Variants in ADARB2 observed in about 807,000 individuals in gnomAD.
ADARB2 encodes the protein inactive double-stranded RNA-specific editase B2.
Under a neutral mutation model 62.2 loss-of-function variants are expected in ADARB2, and 25 were observed. The ratio of observed to expected loss-of-function variants is 0.40; its 90% confidence interval spans 0.29 to 0.56. ADARB2 has a LOEUF of 0.56. Ranked by LOEUF, ADARB2 falls within the 20% of genes least tolerant of loss-of-function variation. The pLI, the probability that ADARB2 is intolerant of heterozygous loss-of-function variation, is 0.43. For missense variants in ADARB2, 1,071 were observed against 1,077.4 expected (o/e 0.99, Z 0.08); for synonymous variants, 572 against 500.8 (o/e 1.14, Z -1.90).
chr10:1,523,094 CA>C (rs1458141748), intron 1 of ADARB2, among the ~76,000 whole-genome samples: 1 of 152,166 alleles, frequency 6.6e-6, no homozygotes, highest in East Asian at 1.9e-4. Flanking sequence ...GTTTCTATAG[CA>C]AATCGATAAC....
chr10:1,551,984 G>A (rs567488995), intron 1 of ADARB2, among the ~76,000 whole-genome samples: 3 of 152,310 alleles, frequency 2.0e-5, no homozygotes, highest in South Asian at 4.1e-4. Context: ...GGAGTGAGGT[G>A]AGTGAGGCTG....
intron 1 of ADARB2, among the ~76,000 whole-genome samples, chr10:1,555,055 T>A (rs1319826855): frequency 6.6e-6 from 1 of 152,226 alleles, no homozygotes; most frequent in African/African-American, 2.4e-5. Context: ...AGGACACGAT[T>A]TCATTCTTTT....
At chr10:1,624,408 C>T (rs1215378942) in intron 1 of ADARB2, among the ~76,000 whole-genome samples, 2 of 152,186 alleles carry the variant, frequency 1.3e-5, no homozygotes, top group Non-Finnish European at 2.9e-5. Context: ...TGGTCTCCTA[C>T]CCGTGGCTCC....
Position 1,680,178 on chromosome 10 carries a change from T to A in ADARB2, c.100+56873A>T, listed in dbSNP as rs1042449800. ...CCACTCATACAAACTGCCCTACATATTCTTTCCTGTGTAATCCGCCACTCA... is the reference window on the plus strand; with the variant it reads ...CCACTCATACAAACTGCCCTACATAATCTTTCCTGTGTAATCCGCCACTCA... On this transcript the variant is annotated intron_variant, in intron 1 of 9. Coordinates refer to ENST00000381312, the MANE Select transcript of ADARB2 (RefSeq NM_018702.4). Among the ~76,000 whole-genome samples, 118 of 136,064 alleles carry A rather than the reference T, an allele frequency of 8.7e-4. 1 individual carries two copies. The highest frequency in any genetic ancestry group is 3.2e-3 in the African/African-American group (117 of 36,086). The allele number at this position is 136,064 out of a possible 152,430, so 89.3% of individuals were successfully genotyped here.
At chr10:1,275,944 G>A (rs1359732706) in intron 3 of ADARB2, among the ~76,000 whole-genome samples, 1 of 151,988 alleles carries the variant, frequency 6.6e-6, no homozygotes, top group African/African-American at 2.4e-5. Context: ...CTTCGCTATT[G>A]TGAATAGTGC....
chr10:1,542,966 G>A lies in ADARB2; in HGVS notation c.101-163806C>T, dbSNP rs145277955. On this transcript the variant is annotated intron_variant, in intron 1 of 9. Coordinates refer to ENST00000381312, the MANE Select transcript of ADARB2 (RefSeq NM_018702.4). ...CCCACTCAGACGCAGTTGGGACCCT[G>A]GATCACAGCTGTCCGTCCGCCCGAG... Among the ~76,000 whole-genome samples the A allele has an allele frequency of 1.9e-3, 289 of 152,360 alleles. 1 individual carries two copies. Among genetic ancestry groups the A allele is most frequent in the African/African-American group, 6.7e-3 (277 of 41,574 alleles).
rs141353212 is a variant in ADARB2 at position 1,586,130 on chromosome 10, C to T, written c.100+150921G>A. 3.3e-4 allele frequency among the ~76,000 whole-genome samples: 51 copies of T among 152,314 alleles called. 1 individual carries two copies. In the East Asian group the frequency reaches 9.7e-3, roughly 29 times the overall value. On this transcript the variant is annotated intron_variant, in intron 1 of 9. Coordinates refer to ENST00000381312, the MANE Select transcript of ADARB2 (RefSeq NM_018702.4). ...TCATCAGGACCTACTGAGGCTGTGT[C>T]ATGGGTGCATCCTTAACCTTGGCAA...
chr10:1,199,085 C>T (rs902683229), intron 8 of ADARB2, among the ~76,000 whole-genome samples: 18 of 152,236 alleles, frequency 1.2e-4, no homozygotes, highest in African/African-American at 4.3e-4. Flanking sequence ...CTCCGTTTCC[C>T]CCACATATCT....
rs1043374717 is a variant in ADARB2 at position 1,593,226 on chromosome 10, G to T, written c.100+143825C>A. Among the ~76,000 whole-genome samples, 7 of 134,556 alleles carry T rather than the reference G, an allele frequency of 5.2e-5. 1 individual carries two copies. The highest frequency in any genetic ancestry group is 2.0e-4 in the African/African-American group (7 of 34,278). 88.3% of individuals were successfully genotyped at this position (134,556 alleles called of 152,430 possible). A position where few individuals can be genotyped will look rare whatever the true frequency, so the allele number is the denominator to read the frequency against. ...CCTTCGCCCAAGCCACCCTCCATAG[G>T]TCTCCTCTCTGGCATGGTCCCCTCT... is the stretch of plus-strand genomic sequence containing the variant. On this transcript the variant is annotated intron_variant, in intron 1 of 9. Transcript: ENST00000381312.
chr10:1,718,250 C>A (rs538811861), intron 1 of ADARB2, among the ~76,000 whole-genome samples: 3 of 152,144 alleles, frequency 2.0e-5, no homozygotes. Flanking sequence ...TTTGGTCGTA[C>A]TTTTTTGATT....
intron 1 of ADARB2, among the ~76,000 whole-genome samples, chr10:1,525,634 T>C (rs1427806009): frequency 6.6e-6 from 1 of 152,166 alleles, no homozygotes; most frequent in Non-Finnish European, 1.5e-5. Context: ...ATGTGCGTCC[T>C]GAGAGGAAGA....
intron 3 of ADARB2, among the ~76,000 whole-genome samples, chr10:1,271,653 T>G (rs966073093): frequency 1.3e-5 from 2 of 152,060 alleles, no homozygotes; most frequent in Admixed American, 6.6e-5. Flanking sequence ...GACACACACA[T>G]ACACATACAC....
intron 3 of ADARB2, among the ~76,000 whole-genome samples, chr10:1,324,076 GAA>G (rs1481575629): frequency 2.0e-5 from 3 of 152,148 alleles, no homozygotes; most frequent in African/African-American, 7.2e-5. Flanking sequence ...AATTAAATCA[GAA>G]ATGGGCAAAA....
intron 1 of ADARB2, among the ~76,000 whole-genome samples, chr10:1,570,343 C>T (rs971748100): frequency 7.9e-5 from 12 of 152,148 alleles, no homozygotes; most frequent in Non-Finnish European, 1.6e-4. Flanking sequence ...GCGGTTGCTA[C>T]CTGGGCTGAT....
chr10:1,294,246 C>T (rs1186087684), intron 3 of ADARB2, among the ~76,000 whole-genome samples: 1 of 152,162 alleles, frequency 6.6e-6, no homozygotes, highest in Non-Finnish European at 1.5e-5. Flanking sequence ...GCTTGCAGTT[C>T]TGTTGGAGAA....
chr10:1,681,757 T>C (rs1361996260), intron 1 of ADARB2, among the ~76,000 whole-genome samples: 1 of 152,220 alleles, frequency 6.6e-6, no homozygotes, highest in Non-Finnish European at 1.5e-5. Flanking sequence ...CAATGGGGCC[T>C]GATAACATGC....
At chr10:1,558,376 C>T (rs1213815875) in intron 1 of ADARB2, among the ~76,000 whole-genome samples, 2 of 144,224 alleles carry the variant, frequency 1.4e-5, no homozygotes, top group Non-Finnish European at 3.0e-5. Flanking sequence ...CCCCCGCATG[C>T]TCCATCTAAA....
At chr10:1,665,389 G>A (rs1834303418) in intron 1 of ADARB2, among the ~76,000 whole-genome samples, 1 of 152,242 alleles carries the variant, frequency 6.6e-6, no homozygotes, top group Admixed American at 6.5e-5. Context: ...CCCCGACGTG[G>A]GGAACTCGCA....
At chr10:1,214,838 T>G (rs1244376538) in intron 7 of ADARB2, among the ~76,000 whole-genome samples, 1 of 152,238 alleles carries the variant, frequency 6.6e-6, no homozygotes, top group Non-Finnish European at 1.5e-5. Flanking sequence ...GCTGTTCCCT[T>G]TGATGCAGAA....
Sources: allele counts gnomAD v4.1 joint callset (sites outside exome capture counted in the v4.1 genomes callset), GRCh38; gene constraint gnomAD v4.1.1; transcripts MANE v1.5; gene names NCBI Gene and HGNC (gene_info 2026-07-23, HGNC 2026-07-21).